The following CSF2RA variants were observed in gnomAD, a reference collection of about 807,000 sequenced individuals.
CSF2RA encodes colony stimulating factor 2 receptor subunit alpha.
In CSF2RA, 42 loss-of-function variants were observed where a neutral mutation model predicts 51.6. That is an observed-to-expected ratio of 0.81 (90% CI 0.64 to 1.05). The LOEUF (loss-of-function observed/expected upper bound fraction) is 1.05, where lower values mean the gene tolerates loss of function less well. CSF2RA is among the 50% of genes least tolerant of loss of function. CSF2RA has a pLI of 0.00. For synonymous variants in CSF2RA, 222 were observed against 193.0 expected, an observed-to-expected ratio of 1.15 and a Z score of -1.24; for missense variants, 530 against 501.1, an observed-to-expected ratio of 1.06 and a Z score of -0.55.
downstream of CSF2RA, among the ~76,000 whole-genome samples, chrX:1,315,121 TG>T (rs1384427932): frequency 6.6e-6 from 1 of 151,710 alleles, no homozygotes; most frequent in Non-Finnish European, 1.5e-5. Context: ...AGTCACACTG[TG>T]GGGGGGAGGG....
chrX:1,294,850 C>G (rs2091765921), intron 8 of CSF2RA, among the ~76,000 whole-genome samples: 1 of 140,626 alleles, frequency 7.1e-6, no homozygotes. Flanking sequence ...GACCCCACCT[C>G]CACCTACACC....
At chrX:1,321,274 C>T in the CSF2RA span, among the ~76,000 whole-genome samples, 2 of 151,952 alleles carry the variant, frequency 1.3e-5, no homozygotes, top group Non-Finnish European at 2.9e-5. Context: ...TCGAGACCAT[C>T]CTGGCTAACA....
intron 2 of CSF2RA, among the ~76,000 whole-genome samples, chrX:1,280,949 T>TC (rs2089897221): frequency 5.0e-5 from 1 of 19,862 alleles, no homozygotes; most frequent in Non-Finnish European, 1.1e-4. Flanking sequence ...TCCTCCTGCT[T>TC]CTCCTCCTCC....
At chrX:1,322,277 T>G in the CSF2RA span, among the ~76,000 whole-genome samples, 1 of 150,474 alleles carries the variant, frequency 6.6e-6, no homozygotes, top group Admixed American at 6.7e-5. Flanking sequence ...GGCTATTTTT[T>G]TTTTTTTTGT....
At chrX:1,291,151 A>G (rs2148426606) in intron 7 of CSF2RA, among the ~76,000 whole-genome samples, 1 of 151,996 alleles carries the variant, frequency 6.6e-6, no homozygotes, top group African/African-American at 2.4e-5. Context: ...CGAACTCCTG[A>G]CCTCAGATGA....
chrX:1,280,340 G>C (rs192705057), intron 2 of CSF2RA, among the ~76,000 whole-genome samples: 2 of 151,720 alleles, frequency 1.3e-5, no homozygotes, highest in African/African-American at 4.8e-5. Context: ...GCATAATGGC[G>C]GGCGCCTATA....
intron 3 of CSF2RA, among the ~76,000 whole-genome samples, chrX:1,285,386 C>T (rs28623685): frequency 0.088 from 13,401 of 151,506 alleles, 1,895 homozygotes; most frequent in African/African-American, 0.3. Flanking sequence ...CTCCCAGAGC[C>T]GGGTGGGAGG....
chrX:1,269,890 C>T (rs2088143204), intron 1 of CSF2RA, among the ~76,000 whole-genome samples: 1 of 152,028 alleles, frequency 6.6e-6, no homozygotes, highest in South Asian at 2.1e-4. Context: ...GGCGGATCAC[C>T]TGAGCTCAGG....
chrX:1,288,368 G>A (rs1278400800), intron 4 of CSF2RA, 151 bp from the exon 5 acceptor site: 2 of 776,566 alleles, frequency 2.6e-6, no homozygotes, highest in African/African-American at 3.3e-5. Flanking sequence ...TGTAATCCGA[G>A]CTACTCGGGA....
At chrX:1,310,317 G>T (rs1273878827), downstream of CSF2RA, 1 of 150,764 alleles carries the variant, frequency 6.6e-6, no homozygotes, top group Non-Finnish European at 1.5e-5. Flanking sequence ...AGCTGAGATT[G>T]CGCCATTGCA....
At chrX:1,318,306 G>C in the CSF2RA span, among the ~76,000 whole-genome samples, 2 of 151,956 alleles carry the variant, frequency 1.3e-5, no homozygotes, top group Non-Finnish European at 2.9e-5. Context: ...TGGGATTACA[G>C]GCATACGCCA....
At chrX:1,323,839 C>A in the CSF2RA span, among the ~76,000 whole-genome samples, 15 of 151,518 alleles carry the variant, frequency 9.9e-5, no homozygotes, top group Non-Finnish European at 1.9e-4. Context: ...ACGGTGAAAC[C>A]CCGTCTCTAA....
the CSF2RA span, among the ~76,000 whole-genome samples, chrX:1,322,099 A>ATTATTTATTTATATAT: frequency 7.7e-4 from 113 of 146,744 alleles, 3 homozygotes; most frequent in East Asian, 0.021. Flanking sequence ...ATAACATCCT[A>ATTATTTATTTATATAT]TTATTTATTT....
At chrX:1,300,891 C>T (rs1456706317) in intron 10 of CSF2RA, among the ~76,000 whole-genome samples, 18 of 152,118 alleles carry the variant, frequency 1.2e-4, no homozygotes, top group Admixed American at 4.6e-4. Flanking sequence ...CAGCGGTTCA[C>T]GCCTGTAATC....
At chrX:1,323,824 C>G in the CSF2RA span, among the ~76,000 whole-genome samples, 1 of 151,474 alleles carries the variant, frequency 6.6e-6, no homozygotes, top group Non-Finnish European at 1.5e-5. Flanking sequence ...ACCATCCTGG[C>G]TAACACGGTG....
At chrX:1,311,249 CAAA>C (rs752805587), downstream of CSF2RA, among the ~76,000 whole-genome samples, 3 of 140,976 alleles carry the variant, frequency 2.1e-5, no homozygotes, top group Admixed American at 7.1e-5. Context: ...ATTCTGTCTC[CAAA>C]AAAAAAAAAG....
intron 2 of CSF2RA, among the ~76,000 whole-genome samples, chrX:1,279,123 G>C (rs1389651333): frequency 2.0e-5 from 3 of 149,850 alleles, no homozygotes; most frequent in Non-Finnish European, 4.4e-5. Flanking sequence ...GGCCGAGGCA[G>C]GGGGATTACT....
At chrX:1,322,780 C>A in the CSF2RA span, among the ~76,000 whole-genome samples, 1 of 151,940 alleles carries the variant, frequency 6.6e-6, no homozygotes, top group East Asian at 1.9e-4. Flanking sequence ...TCCACGTTAA[C>A]CTCAGAATGG....
At chrX:1,314,399 T>C (rs1354429044), downstream of CSF2RA, among the ~76,000 whole-genome samples, 2 of 148,110 alleles carry the variant, frequency 1.4e-5, no homozygotes, top group African/African-American at 2.5e-5. Flanking sequence ...CCAACCACAC[T>C]GCACCTGCCT....
Sources: gnomAD v4.1 joint callset for allele counts (sites outside exome capture counted in the v4.1 genomes callset) on GRCh38, gnomAD v4.1.1 for gene constraint, MANE v1.5 for transcripts, NCBI Gene and HGNC (gene_info 2026-07-23, HGNC 2026-07-21) for gene names.